Variants in CACNA2D3 observed in about 807,000 individuals in gnomAD.
CACNA2D3 encodes voltage-dependent calcium channel subunit alpha-2/delta-3.
CACNA2D3 carries 60 observed loss-of-function variants against 160.6 expected under a neutral mutation model. The observed-to-expected ratio is 0.37, with a 90% confidence interval of 0.30 to 0.46. The LOEUF is 0.46. CACNA2D3 is among the 20% of genes least tolerant of loss of function. CACNA2D3 has a pLI of 1.00. For synonymous variants in CACNA2D3, 558 were observed against 492.9 expected (o/e 1.13, Z -1.75); for missense variants, 1,205 against 1,365.0 (o/e 0.88, Z 1.85).
At chr3:54,506,171 T>C (rs1315107779) in intron 5 of CACNA2D3, among the ~76,000 whole-genome samples, 1 of 146,340 alleles carries the variant, frequency 6.8e-6, no homozygotes, top group East Asian at 2.0e-4. Context: ...CCTAACAGCC[T>C]TTTTTTTTTG....
intron 2 of CACNA2D3, among the ~76,000 whole-genome samples, chr3:54,130,792 G>A (rs909145014): frequency 1.3e-5 from 2 of 152,190 alleles, no homozygotes; most frequent in African/African-American, 4.8e-5. Flanking sequence ...TGTTTGGGAG[G>A]ATTAAATGAG....
intron 4 of CACNA2D3, among the ~76,000 whole-genome samples, chr3:54,453,339 A>G (rs1326097019): frequency 6.6e-6 from 1 of 152,146 alleles, no homozygotes; most frequent in African/African-American, 2.4e-5. Context: ...AGGGCTCACC[A>G]TAATCTACTA....
chr3:54,374,968 T>C (rs1473348), intron 3 of CACNA2D3, among the ~76,000 whole-genome samples: 62,549 of 151,938 alleles, frequency 0.41, 14,214 homozygotes, highest in African/African-American at 0.61. Flanking sequence ...CTCCACATAA[T>C]CTTCATATGC....
At chr3:54,475,590 C>T (rs187878718) in intron 4 of CACNA2D3, among the ~76,000 whole-genome samples, 46 of 152,200 alleles carry the variant, frequency 3.0e-4, no homozygotes, top group Admixed American at 7.2e-4. Flanking sequence ...TCCCTTCCCC[C>T]AAGATCAACT....
At chr3:54,415,316 T>A (rs1296840300) in intron 4 of CACNA2D3, among the ~76,000 whole-genome samples, 2 of 152,190 alleles carry the variant, frequency 1.3e-5, no homozygotes, top group Non-Finnish European at 2.9e-5. Flanking sequence ...TACTGTTTAA[T>A]TTTTAAATTA....
chr3:54,761,897 A>T lies in CACNA2D3; in HGVS notation c.1247-2321A>T, dbSNP rs557265619. 5.3e-5 allele frequency among the ~76,000 whole-genome samples: 8 copies of T among 152,132 alleles called. No homozygotes were observed. The South Asian group carries it at 1.7e-3, about 32-fold the overall frequency. On this transcript the variant is annotated intron_variant, in intron 12 of 37. Coordinates refer to ENST00000474759, the MANE Select transcript of CACNA2D3 (RefSeq NM_018398.3). Reference sequence around the variant, plus strand: ...TTGGAAATCCTCTGGGTGGGTCCCGACCCTTTCTGGACAACAGCAGGGCTG... The same window carrying T: ...TTGGAAATCCTCTGGGTGGGTCCCGTCCCTTTCTGGACAACAGCAGGGCTG...
chr3:54,406,873 T>C (rs543865998), intron 4 of CACNA2D3, among the ~76,000 whole-genome samples: 11 of 152,096 alleles, frequency 7.2e-5, no homozygotes, highest in Non-Finnish European at 1.6e-4. Flanking sequence ...GATATATTAA[T>C]TTGTTCCACT....
At chr3:54,687,365 A>G (rs1229330736) in intron 11 of CACNA2D3, among the ~76,000 whole-genome samples, 1 of 143,278 alleles carries the variant, frequency 7.0e-6, no homozygotes, top group African/African-American at 2.6e-5. Context: ...GTTGGCCAGG[A>G]TGGTCTAGAC....
intron 27 of CACNA2D3, chr3:54,924,544 T>TC (rs1700954327): frequency 3.3e-6 from 4 of 1,224,904 alleles, no homozygotes; most frequent in Non-Finnish European, 4.7e-6. Flanking sequence ...ACATTCTTTC[T>TC]AATGCAGAGA....
intron 35 of CACNA2D3, among the ~76,000 whole-genome samples, chr3:55,051,678 G>A (rs1704220376): frequency 6.6e-6 from 1 of 152,174 alleles, no homozygotes; most frequent in South Asian, 2.1e-4. Flanking sequence ...GCAAGCCTGG[G>A]CAATGGCGGG....
At chr3:54,840,559 C>T (rs938266368) in intron 16 of CACNA2D3, among the ~76,000 whole-genome samples, 8 of 151,006 alleles carry the variant, frequency 5.3e-5, no homozygotes, top group Non-Finnish European at 1.2e-4. Context: ...TACAGGTGCA[C>T]GCCACCATGC....
chr3:55,068,414 C>T (rs547242465), intron 35 of CACNA2D3, among the ~76,000 whole-genome samples: 6 of 152,310 alleles, frequency 3.9e-5, no homozygotes, highest in Non-Finnish European at 8.8e-5. Flanking sequence ...TCTTCCTTTA[C>T]TATTTCTGTT....
chr3:54,493,748 A>G (rs1421485622), intron 4 of CACNA2D3, among the ~76,000 whole-genome samples: 2 of 152,240 alleles, frequency 1.3e-5, no homozygotes, highest in Non-Finnish European at 2.9e-5. Flanking sequence ...GGGTTGACCA[A>G]CTACAGCCTG....
At chr3:54,895,538 G>C (rs1425778755) in intron 25 of CACNA2D3, among the ~76,000 whole-genome samples, 2 of 152,160 alleles carry the variant, frequency 1.3e-5, no homozygotes, top group Non-Finnish European at 2.9e-5. Flanking sequence ...TCCTGAACTG[G>C]GTGCCAAGTT....
chr3:54,376,469 G>T (rs1277578487), intron 3 of CACNA2D3, among the ~76,000 whole-genome samples: 1 of 152,226 alleles, frequency 6.6e-6, no homozygotes, highest in Non-Finnish European at 1.5e-5. Context: ...TAGAGCAGTT[G>T]TGAGGATTTG....
chr3:54,248,495 AAAG>A (rs1162551994), intron 2 of CACNA2D3, among the ~76,000 whole-genome samples: 1 of 151,462 alleles, frequency 6.6e-6, no homozygotes, highest in African/African-American at 2.4e-5. Flanking sequence ...AAAAAAAAAA[AAAG>A]AAAAAGAAAA....
At chr3:54,730,552 G>A (rs1701365993) in intron 11 of CACNA2D3, among the ~76,000 whole-genome samples, 5 of 152,084 alleles carry the variant, frequency 3.3e-5, no homozygotes, top group African/African-American at 1.2e-4. Flanking sequence ...GCCCAGGCTG[G>A]AGTGCAGTGG....
intron 17 of CACNA2D3, among the ~76,000 whole-genome samples, chr3:54,857,104 C>T (rs1368820464): frequency 6.6e-6 from 1 of 152,074 alleles, no homozygotes; most frequent in Non-Finnish European, 1.5e-5. Flanking sequence ...AAGCTGAGTC[C>T]TGGAGGATGA....
At chr3:54,147,283 GA>G (rs1700049951) in intron 2 of CACNA2D3, among the ~76,000 whole-genome samples, 1 of 152,182 alleles carries the variant, frequency 6.6e-6, no homozygotes, top group Non-Finnish European at 1.5e-5. Context: ...GTGAAGTAAG[GA>G]CCTTGAGTGT....
Sources: gnomAD v4.1 joint callset for allele counts (sites outside exome capture counted in the v4.1 genomes callset) on GRCh38, gnomAD v4.1.1 for gene constraint, MANE v1.5 for transcripts, NCBI Gene and HGNC (gene_info 2026-07-23, HGNC 2026-07-21) for gene names.